Variants in TSNARE1 observed in about 807,000 individuals in gnomAD.
The protein encoded by TSNARE1 is t-SNARE domain-containing protein 1.
A neutral mutation model predicts 62.0 loss-of-function variants in TSNARE1; 49 were observed. That is an observed-to-expected ratio of 0.79 (90% CI 0.63 to 1.00). The LOEUF (loss-of-function observed/expected upper bound fraction) is 1.00. Among genes scored for constraint, TSNARE1 ranks in the 50% least tolerant of loss-of-function variants. TSNARE1 has a pLI of 0.00. For missense variants in TSNARE1, 755 were observed against 700.1 expected (o/e 1.08, Z -0.88); for synonymous variants, 328 against 294.4 (o/e 1.11, Z -1.17).
At chr8:142,334,217 C>A (rs1379729734) in intron 4 of TSNARE1, among the ~76,000 whole-genome samples, 1 of 152,246 alleles carries the variant, frequency 6.6e-6, no homozygotes, top group Non-Finnish European at 1.5e-5. Context: ...CTGTATGTCA[C>A]TTTCCTTTTG....
chr8:142,348,574 A>C (rs1274022701), intron 2 of TSNARE1, among the ~76,000 whole-genome samples: 2 of 33,666 alleles, frequency 5.9e-5, no homozygotes, highest in Non-Finnish European at 5.8e-5. Context: ...CCCCATGCCC[A>C]CCCTCCCCTG....
At chr8:142,223,886 T>C (rs1332357856) in intron 13 of TSNARE1, among the ~76,000 whole-genome samples, 1 of 148,814 alleles carries the variant, frequency 6.7e-6, no homozygotes, top group Admixed American at 6.7e-5. Flanking sequence ...TCCCACCAGC[T>C]CATTTCTGCA....
chr8:142,325,265 T>C (rs192484822), intron 6 of TSNARE1, among the ~76,000 whole-genome samples: 241 of 152,306 alleles, frequency 1.6e-3, no homozygotes, highest in Middle Eastern at 3.4e-3. Flanking sequence ...GTCAGGGTCA[T>C]GCTGGGCGGA....
At chr8:142,216,198 C>T (rs1219031683) in intron 13 of TSNARE1, among the ~76,000 whole-genome samples, 5 of 152,228 alleles carry the variant, frequency 3.3e-5, no homozygotes, top group Non-Finnish European at 5.9e-5. Flanking sequence ...AAGAAGCTCC[C>T]ACCTCTGCCA....
chr8:142,215,262 C>G (rs1194958823), intron 13 of TSNARE1, among the ~76,000 whole-genome samples: 2 of 152,188 alleles, frequency 1.3e-5, no homozygotes, highest in Non-Finnish European at 2.9e-5. Flanking sequence ...TTCGGAGGCA[C>G]CCCCCACTTC....
In TSNARE1 at chr8:142,344,278, G is replaced by T; in HGVS notation, c.433C>A (p.Gln145Lys). 6.2e-7 allele frequency: 1 copy of T among 1,604,424 alleles called. No homozygotes were observed. Among genetic ancestry groups the T allele is most frequent in the Non-Finnish European group, 8.5e-7 (1 of 1,173,034 alleles). Reference sequence around the variant, plus strand: ...AGCAGCCCCGTGCCAAACAGCAGCTGGTGGTGCTTGCTCACCTTGGACACC... The same window carrying T: ...AGCAGCCCCGTGCCAAACAGCAGCTTGTGGTGCTTGCTCACCTTGGACACC... ...VLVSKVSKHH[Q>K]LLFGTGLLKA... The change falls in exon 4 of 14, where the codon CAG becomes AAG. Residue 145 changes from glutamine (Q) to lysine (K), a missense_variant. Gln to Lys is a moderately conservative substitution (Grantham distance 53, BLOSUM62 1). Coordinates refer to ENST00000524325, the MANE Select transcript of TSNARE1 (RefSeq NM_145003.5).
intron 13 of TSNARE1, among the ~76,000 whole-genome samples, chr8:142,217,577 A>T (rs1056365237): frequency 7.2e-5 from 11 of 152,028 alleles, no homozygotes; most frequent in Non-Finnish European, 2.9e-5. Context: ...GGTGACTCTG[A>T]CCTACTCACT....
intron 9 of TSNARE1, among the ~76,000 whole-genome samples, chr8:142,306,492 G>C (rs924011408): frequency 3.9e-5 from 6 of 152,236 alleles, no homozygotes; most frequent in Admixed American, 3.3e-4. Context: ...CTGGGTCTGA[G>C]ACTGACCCTC....
intron 4 of TSNARE1, among the ~76,000 whole-genome samples, chr8:142,339,470 C>T (rs1278170761): frequency 6.6e-6 from 1 of 152,054 alleles, no homozygotes; most frequent in Non-Finnish European, 1.5e-5. Flanking sequence ...TGGGCCAGGG[C>T]ACCATGGCCA....
intron 4 of TSNARE1, among the ~76,000 whole-genome samples, chr8:142,340,928 G>A (rs1303694270): frequency 6.6e-6 from 1 of 152,266 alleles, no homozygotes; most frequent in Non-Finnish European, 1.5e-5. Context: ...TCAGAGAAGG[G>A]GCAGTGTGTA....
In TSNARE1 at chr8:142,280,001, G is replaced by C. The variant is rs529965853; in HGVS notation, c.1363+4412C>G. ...AGCTTCTTGCGCACAGCACCTCGCA[G>C]GTCCCGCCACTTGTGCTTGAGGTCC... On this transcript the variant is annotated intron_variant, in intron 11 of 13. Coordinates refer to ENST00000524325, the MANE Select transcript of TSNARE1 (RefSeq NM_145003.5). The C allele has an allele frequency of 1.3e-5, 16 of 1,187,540 alleles. No homozygotes were observed. The African/African-American group carries it at 2.7e-4, about 20-fold the overall frequency. 73.6% of individuals were successfully genotyped at this position (1,187,540 alleles called of 1,614,324 possible).
intron 11 of TSNARE1, among the ~76,000 whole-genome samples, chr8:142,280,801 G>A (rs925040263): frequency 2.0e-5 from 3 of 152,156 alleles, no homozygotes; most frequent in Non-Finnish European, 4.4e-5. Context: ...GGAGAAGGGG[G>A]GAGGACAGAG....
At chr8:142,215,462 C>T (rs1485319275) in intron 13 of TSNARE1, among the ~76,000 whole-genome samples, 2 of 152,130 alleles carry the variant, frequency 1.3e-5, no homozygotes, top group African/African-American at 2.4e-5. Context: ...CCCATCCCCA[C>T]ATGTGTCCCC....
rs1017810020 is a variant in TSNARE1, at chr8:142,278,198, A to C, written c.1364-3335T>G. 19 of 985,252 alleles carry C rather than the reference A, an allele frequency of 1.9e-5. No homozygotes were observed. In the African/African-American group the frequency reaches 2.8e-4, roughly 14 times the overall value. 61.0% of individuals were successfully genotyped at this position (985,252 alleles called of 1,614,324 possible). A position where few individuals can be genotyped will look rare whatever the true frequency, so the allele number is the denominator to read the frequency against. On this transcript the variant is annotated intron_variant, in intron 11 of 13. Coordinates refer to ENST00000524325, the MANE Select transcript of TSNARE1 (RefSeq NM_145003.5). ...GCCCACAGCCCAGGCCCCTTGTCCA[A>C]GCCCAGCCACAGGGTTGGCTGGGTC... is the stretch of plus-strand genomic sequence containing the variant.
At chr8:142,347,314 G>A (rs1400977807) in intron 2 of TSNARE1, among the ~76,000 whole-genome samples, 2 of 152,366 alleles carry the variant, frequency 1.3e-5, no homozygotes, top group East Asian at 3.9e-4. Context: ...CCACGAAGAG[G>A]CACTGACCAA....
chr8:142,245,341 C>T (rs1048283873), intron 12 of TSNARE1, among the ~76,000 whole-genome samples: 1 of 151,960 alleles, frequency 6.6e-6, no homozygotes, highest in Admixed American at 6.6e-5. Flanking sequence ...TGGAGACATG[C>T]TCGTCAGAGC....
chr8:142,302,062 G>A (rs1181035526), intron 9 of TSNARE1, among the ~76,000 whole-genome samples: 3 of 152,106 alleles, frequency 2.0e-5, no homozygotes, highest in Admixed American at 1.3e-4. Context: ...TGCTCCTGGG[G>A]CACCGTAATG....
intron 1 of TSNARE1, among the ~76,000 whole-genome samples, chr8:142,356,603 C>T (rs1374673240): frequency 6.6e-6 from 1 of 152,226 alleles, no homozygotes; most frequent in Non-Finnish European, 1.5e-5. Flanking sequence ...GAAACAGACA[C>T]TATCCAGAGA....
At chr8:142,282,234 A>G (rs570789123) in intron 11 of TSNARE1, among the ~76,000 whole-genome samples, 1 of 149,116 alleles carries the variant, frequency 6.7e-6, no homozygotes, top group Admixed American at 6.6e-5. Context: ...GCACGGGTAC[A>G]TCCATAGCAG....
Sources: gnomAD v4.1 joint callset for allele counts (sites outside exome capture counted in the v4.1 genomes callset) on GRCh38, gnomAD v4.1.1 for gene constraint, MANE v1.5 for transcripts, NCBI Gene and HGNC (gene_info 2026-07-23, HGNC 2026-07-21) for gene names.